The following SHC3 variants were observed in gnomAD, a reference collection of about 807,000 sequenced individuals.
SHC3 encodes SHC-transforming protein 3.
A neutral mutation model predicts 60.4 loss-of-function variants in SHC3; 15 were observed. That is an observed-to-expected ratio of 0.25 (90% CI 0.17 to 0.38). SHC3 has a LOEUF of 0.38. SHC3 is among the 10% of genes least tolerant of loss of function. SHC3 has a pLI of 1.00. For missense variants in SHC3, 677 were observed against 786.1 expected, an observed-to-expected ratio of 0.86 and a Z score of 1.66; for synonymous variants, 294 against 325.9, an observed-to-expected ratio of 0.90 and a Z score of 1.05.
At chr9:89,092,480 G>C (rs757962994) in intron 2 of SHC3, among the ~76,000 whole-genome samples, 90 of 151,854 alleles carry the variant, frequency 5.9e-4, no homozygotes, top group Non-Finnish European at 1.2e-3. Context: ...AGCCAGGCGT[G>C]GTGGCGGGCA....
At chr9:89,073,424 C>T (rs923506371) in intron 4 of SHC3, among the ~76,000 whole-genome samples, 1 of 152,130 alleles carries the variant, frequency 6.6e-6, no homozygotes, top group Non-Finnish European at 1.5e-5. Context: ...TAGAGGGGAG[C>T]GGCTGTTGTC....
In SHC3 at chr9:89,178,626, C is replaced by T; in HGVS notation, c.-166G>A. The T allele has an allele frequency of 1.9e-6, 1 of 530,234 alleles. No homozygotes were observed. Among genetic ancestry groups the T allele is most frequent in the Non-Finnish European group, 3.0e-6 (1 of 328,922 alleles). 32.8% of individuals were successfully genotyped at this position (530,234 alleles called of 1,614,324 possible). ...AGCAGAGCAAGAGGATGGTGCCCTC[C>T]CACCGTTAAAAGCCAGCACAGCGGC... is the stretch of plus-strand genomic sequence containing the variant. On this transcript the variant is annotated 5_prime_UTR_variant, in exon 1 of 12. Transcript: ENST00000375835. The surrounding 1 kb of genome is among the most constrained non-coding windows in gnomAD (Gnocchi z 6.9).
intron 2 of SHC3, among the ~76,000 whole-genome samples, chr9:89,082,298 G>A (rs1248812447): frequency 6.6e-6 from 1 of 152,078 alleles, no homozygotes; most frequent in Non-Finnish European, 1.5e-5. Context: ...CACACCAGAG[G>A]GAAGCTCCAG....
In SHC3 at chr9:89,158,463, T is replaced by C. The variant is rs752590620; in HGVS notation, c.474+19524A>G. ...ATGGTATATCTTGGTGAATGTTTCATGAACACTTGAAAAGAATGTTTACTC... is the reference window on the plus strand; with the variant it reads ...ATGGTATATCTTGGTGAATGTTTCACGAACACTTGAAAAGAATGTTTACTC... On this transcript the variant is annotated intron_variant, in intron 1 of 11. Coordinates refer to ENST00000375835, the MANE Select transcript of SHC3 (RefSeq NM_016848.6). Among the ~76,000 whole-genome samples, 22 of 152,202 alleles carry C rather than the reference T, an allele frequency of 1.4e-4. 1 individual carries two copies. The highest frequency in any genetic ancestry group is 3.2e-4 in the Non-Finnish European group (22 of 68,038).
intron 7 of SHC3, among the ~76,000 whole-genome samples, chr9:89,049,654 T>C (rs1252847229): frequency 3.3e-5 from 5 of 152,250 alleles, no homozygotes; most frequent in African/African-American, 1.2e-4. Context: ...AGCTACCTCC[T>C]TACGTATTTA....
intron 1 of SHC3, among the ~76,000 whole-genome samples, chr9:89,126,451 G>A (rs926135905): frequency 1.3e-5 from 2 of 152,300 alleles, no homozygotes; most frequent in Middle Eastern, 3.4e-3. Flanking sequence ...CTTTGCTGAT[G>A]GCTTAGGTGA....
chr9:89,013,996 C>T (rs575956254), intron 11 of SHC3, among the ~76,000 whole-genome samples: 28 of 152,298 alleles, frequency 1.8e-4, no homozygotes, highest in Admixed American at 2.6e-4. Context: ...GGACATCTCC[C>T]GGCCCAGAAT....
At chr9:89,032,501 T>C (rs1824506480) in intron 11 of SHC3, among the ~76,000 whole-genome samples, 1 of 152,216 alleles carries the variant, frequency 6.6e-6, no homozygotes, top group African/African-American at 2.4e-5. Context: ...ACTCAGGGAA[T>C]AATTTTAGAC....
At chr9:89,147,104 A>T (rs138984395) in intron 1 of SHC3, among the ~76,000 whole-genome samples, 4 of 152,236 alleles carry the variant, frequency 2.6e-5, no homozygotes, top group Non-Finnish European at 5.9e-5. Flanking sequence ...ATAATATCGC[A>T]TAGAAATGAG....
chr9:89,097,165 C>A (rs991733930), intron 2 of SHC3, among the ~76,000 whole-genome samples: 2 of 148,998 alleles, frequency 1.3e-5, no homozygotes, highest in African/African-American at 2.5e-5. Context: ...TCAGAGGAGG[C>A]GGGATCAGAT....
intron 1 of SHC3, among the ~76,000 whole-genome samples, chr9:89,138,217 A>G (rs898116213): frequency 2.0e-5 from 3 of 152,234 alleles, no homozygotes; most frequent in Non-Finnish European, 1.5e-5. Context: ...TCTGCACAAG[A>G]AAGAATTTGA....
At position 89,142,644 on chromosome 9, in the gene SHC3, C is replaced by G. The variant is rs957735016; in HGVS notation, c.475-30018G>C. ...TGCAGTGAGATCGCACGACTGCACT[C>G]CAGCCTGGGCGACAGAGTGAGACTC... On this transcript the variant is annotated intron_variant, in intron 1 of 11. Coordinates refer to ENST00000375835, the MANE Select transcript of SHC3 (RefSeq NM_016848.6). Among the ~76,000 whole-genome samples, 60 of 149,682 alleles carry G rather than the reference C, an allele frequency of 4.0e-4. 1 individual carries two copies. The highest frequency in any genetic ancestry group is 8.3e-4 in the Non-Finnish European group (56 of 67,548).
In SHC3 at chr9:89,112,550, G is replaced by C. The variant is rs1452014053; in HGVS notation, c.545+6C>G. 3.1e-6 allele frequency: 5 copies of C among 1,607,362 alleles called. No homozygotes were observed. Among genetic ancestry groups the C allele is most frequent in the East Asian group, 4.5e-5 (2 of 44,650 alleles). On this transcript the variant is annotated splice_donor_region_variant and intron_variant, in intron 2 of 11. Transcript: ENST00000375835. ...ATCACAGGAGTCCATTTTCAAGAGGGCTTACCTGGTAATTTGTGTTCTTGT... is the reference window on the plus strand; with the variant it reads ...ATCACAGGAGTCCATTTTCAAGAGGCCTTACCTGGTAATTTGTGTTCTTGT...
Position 89,157,489 on chromosome 9 carries a change from G to A in SHC3, c.474+20498C>T, listed in dbSNP as rs138372503. On this transcript the variant is annotated intron_variant, in intron 1 of 11. Transcript: ENST00000375835. ...CCTGTAAGTCTCAGGGCAGACTTCC[G>A]ACCTCCAGAATTGTAAGATAAATTT... Among the ~76,000 whole-genome samples the A allele has an allele frequency of 9.9e-4, 151 of 152,322 alleles. 1 individual carries two copies. Among genetic ancestry groups the A allele is most frequent in the African/African-American group, 3.6e-3 (149 of 41,574 alleles).
intron 2 of SHC3, among the ~76,000 whole-genome samples, chr9:89,082,859 C>A (rs1006893117): frequency 1.3e-5 from 2 of 152,206 alleles, no homozygotes; most frequent in African/African-American, 4.8e-5. Context: ...GCTCACCCAC[C>A]TTCCCCACTG....
At chr9:89,040,009 A>T (rs1824650043) in intron 10 of SHC3, among the ~76,000 whole-genome samples, 1 of 149,504 alleles carries the variant, frequency 6.7e-6, no homozygotes, top group Admixed American at 6.7e-5. Flanking sequence ...CATTGCCACC[A>T]CCACCACCAC....
intron 1 of SHC3, among the ~76,000 whole-genome samples, chr9:89,161,338 C>G (rs973273816): frequency 3.3e-5 from 5 of 152,180 alleles, no homozygotes; most frequent in Non-Finnish European, 7.4e-5. Flanking sequence ...GCTCCCGCTT[C>G]TGCCATGTGC....
At chr9:89,177,125 C>A (rs1304561995) in intron 1 of SHC3, among the ~76,000 whole-genome samples, 1 of 152,238 alleles carries the variant, frequency 6.6e-6, no homozygotes, top group Non-Finnish European at 1.5e-5. Flanking sequence ...AAGCTCTGAG[C>A]TGCCCAACCG....
chr9:89,092,251 T>C (rs985960469), intron 2 of SHC3, among the ~76,000 whole-genome samples: 3 of 152,130 alleles, frequency 2.0e-5, no homozygotes, highest in African/African-American at 7.2e-5. Flanking sequence ...AGCATTGTTT[T>C]GCCTAGCAAA....
Sources: gnomAD v4.1 joint callset for allele counts (sites outside exome capture counted in the v4.1 genomes callset) on GRCh38, gnomAD v4.1.1 for gene constraint, Gnocchi (gnomAD v3.1) non-coding constraint, MANE v1.5 for transcripts, NCBI Gene and HGNC (gene_info 2026-07-23, HGNC 2026-07-21) for gene names.